The following LRP1B variants were observed in gnomAD, a reference collection of about 807,000 sequenced individuals.
LRP1B encodes the protein LDL receptor related protein 1B, also known as low-density lipoprotein receptor-related protein 1B.
In LRP1B, 217 loss-of-function variants were observed where a neutral mutation model predicts 556.6. That is an observed-to-expected ratio of 0.39 (90% CI 0.35 to 0.44). The LOEUF (loss-of-function observed/expected upper bound fraction) is 0.44, where lower values mean the gene tolerates loss of function less well. Ranked by LOEUF, LRP1B falls within the 20% of genes least tolerant of loss-of-function variation. The probability of loss-of-function intolerance (pLI) is 1.00; values close to 1 mark genes in which losing one functional copy is unlikely to be tolerated. For synonymous variants in LRP1B, 2,047 were observed against 1,865.8 expected (o/e 1.10, Z -2.50); for missense variants, 5,053 against 5,620.8 (o/e 0.90, Z 3.23).
intron 41 of LRP1B, among the ~76,000 whole-genome samples, chr2:140,617,597 A>C (rs1683303128): frequency 6.6e-6 from 1 of 151,958 alleles, no homozygotes; most frequent in Admixed American, 6.6e-5. Context: ...GGGAAAATAA[A>C]ATTTCAGATA....
intron 66 of LRP1B, among the ~76,000 whole-genome samples, chr2:140,401,075 G>T (rs1433544390): frequency 6.6e-6 from 1 of 152,174 alleles, no homozygotes; most frequent in African/African-American, 2.4e-5. Context: ...TGGGTTGAAA[G>T]AAGCTCCGAA....
intron 50 of LRP1B, among the ~76,000 whole-genome samples, chr2:140,516,418 A>T (rs1370618710): frequency 6.8e-6 from 1 of 146,398 alleles, no homozygotes; most frequent in Non-Finnish European, 1.5e-5. Context: ...GTTATATGCA[A>T]CTACTAGGCT....
At chr2:140,801,582 ATTTTTTTT>A (rs10545209) in intron 32 of LRP1B, among the ~76,000 whole-genome samples, 1 of 147,078 alleles carries the variant, frequency 6.8e-6, no homozygotes, top group Non-Finnish European at 1.5e-5. Context: ...AATCTTACTA[ATTTTTTTT>A]TTTTTTTTGT....
At chr2:141,074,623 T>A (rs1187893031) in intron 7 of LRP1B, among the ~76,000 whole-genome samples, 1 of 86,154 alleles carries the variant, frequency 1.2e-5, no homozygotes, top group African/African-American at 3.8e-5. Context: ...TATATATATA[T>A]AAAACACATA....
chr2:141,125,383 A>T (rs1021241013), intron 7 of LRP1B, among the ~76,000 whole-genome samples: 1 of 152,222 alleles, frequency 6.6e-6, no homozygotes, highest in Non-Finnish European at 1.5e-5. Context: ...TACAGCAGTG[A>T]GCCCATGCAT....
intron 11 of LRP1B, among the ~76,000 whole-genome samples, chr2:141,022,079 T>G (rs1341582278): frequency 6.6e-6 from 1 of 151,808 alleles, no homozygotes; most frequent in Admixed American, 6.6e-5. Context: ...AGTGACTAAC[T>G]TTAACTAAAA....
At chr2:141,411,042 A>T (rs1380595929) in intron 3 of LRP1B, among the ~76,000 whole-genome samples, 1 of 151,994 alleles carries the variant, frequency 6.6e-6, no homozygotes, top group Non-Finnish European at 1.5e-5. Context: ...TTTGAGTTTT[A>T]CAGGTTTATA....
At chr2:141,282,788 C>T (rs1448700284) in intron 3 of LRP1B, among the ~76,000 whole-genome samples, 1 of 151,984 alleles carries the variant, frequency 6.6e-6, no homozygotes, top group Admixed American at 6.6e-5. Context: ...CAGAAAGATT[C>T]AGAAGCATGA....
At chr2:140,738,176 A>G (rs1688012085) in intron 35 of LRP1B, among the ~76,000 whole-genome samples, 1 of 152,134 alleles carries the variant, frequency 6.6e-6, no homozygotes, top group South Asian at 2.1e-4. Context: ...AACTTCTTGT[A>G]TCTATGGATC....
chr2:141,062,227 A>G lies in LRP1B; in HGVS notation c.1060T>C (p.Cys354Arg). ...GTTCGGTTCATCCCATCCATGTCAC[A>G]TCTCTCCACTTTGGCGACATTCCCG... ...DYGNVAKVERCDMDGMNRTRI... is the reference protein window; with the variant it reads ...DYGNVAKVERRDMDGMNRTRI... The change falls in exon 8 of 91, where the codon TGT (cysteine) becomes CGT (arginine). Residue 354 changes from cysteine (C) to arginine (R), a missense_variant. Around this residue, in one of 5 missense-constraint regions of LRP1B, gnomAD observed 3,619 missense variants for 3,931.9 expected, o/e 0.92. Transcript: ENST00000389484. The G allele has an allele frequency of 6.2e-7, 1 of 1,611,446 alleles. No homozygotes were observed. The highest frequency in any genetic ancestry group is 2.2e-5 in the East Asian group (1 of 44,776).
intron 7 of LRP1B, among the ~76,000 whole-genome samples, chr2:141,101,192 T>C (rs1199155621): frequency 1.3e-5 from 2 of 152,106 alleles, no homozygotes; most frequent in Non-Finnish European, 2.9e-5. Context: ...AACTACCCAA[T>C]GTGAAACCAG....
At chr2:141,479,687 T>C (rs1281387640) in intron 3 of LRP1B, among the ~76,000 whole-genome samples, 1 of 152,166 alleles carries the variant, frequency 6.6e-6, no homozygotes, top group Non-Finnish European at 1.5e-5. Context: ...TGCTTCCAAA[T>C]CTGGGTCCTT....
At chr2:141,871,324 T>C (rs1698580524) in intron 1 of LRP1B, among the ~76,000 whole-genome samples, 1 of 151,974 alleles carries the variant, frequency 6.6e-6, no homozygotes, top group Non-Finnish European at 1.5e-5. Context: ...CTTTTTCCAG[T>C]TTGTTACACT....
At chr2:140,606,219 G>A (rs189052666) in intron 41 of LRP1B, among the ~76,000 whole-genome samples, 1 of 151,990 alleles carries the variant, frequency 6.6e-6, no homozygotes, top group East Asian at 1.9e-4. Flanking sequence ...CTATATAAGA[G>A]CAATGAACAA....
chr2:140,748,591 G>GTGTGTA (rs1361412390), intron 35 of LRP1B, among the ~76,000 whole-genome samples: 33 of 73,332 alleles, frequency 4.5e-4, no homozygotes, highest in Non-Finnish European at 7.0e-4. Context: ...TATACAGTGT[G>GTGTGTA]TATATATATA....
rs1364248949 is a variant in LRP1B, at chr2:141,822,128, C to CAGAGAGAGAGAGAG, written c.83-11728_83-11727insCTCTCTCTCTCTCT. The stretch of plus-strand genomic sequence containing the variant: ...ACACACACACACACACACACACACA[C>CAGAGAGAGAGAGAG]ACAGAGAGAGAGAGAGAGAGAGAGA... On this transcript the variant is annotated intron_variant, in intron 1 of 90. Transcript: ENST00000389484. Among the ~76,000 whole-genome samples the CAGAGAGAGAGAGAG allele has an allele frequency of 4.7e-3, 556 of 117,076 alleles. 2 individuals carry two copies. Among genetic ancestry groups the CAGAGAGAGAGAGAG allele is most frequent in the East Asian group, 0.016 (67 of 4,102 alleles). 76.8% of individuals were successfully genotyped at this position (117,076 alleles called of 152,430 possible). A position where few individuals can be genotyped will look rare whatever the true frequency, so the allele number is the denominator to read the frequency against.
chr2:141,777,339 TTAGAG>T (rs1439518237), intron 2 of LRP1B, among the ~76,000 whole-genome samples: 1 of 152,168 alleles, frequency 6.6e-6, no homozygotes, highest in Admixed American at 6.5e-5. Flanking sequence ...AAGTAGGAAA[TTAGAG>T]TAGAACAAAA....
chr2:140,526,154 G>T (rs1055360833), intron 48 of LRP1B, 83 bp downstream of exon 48: 5 of 1,432,540 alleles, frequency 3.5e-6, no homozygotes, highest in Admixed American at 3.6e-5. Context: ...TTTGGACAAA[G>T]TTCAGTAAAA....
intron 2 of LRP1B, among the ~76,000 whole-genome samples, chr2:141,578,516 G>A (rs767430486): frequency 1.2e-4 from 18 of 151,926 alleles, no homozygotes; most frequent in Admixed American, 4.6e-4. Flanking sequence ...TATTCCATTA[G>A]GCCTTATGTA....
Sources: gnomAD v4.1 joint callset for allele counts (sites outside exome capture counted in the v4.1 genomes callset) on GRCh38, gnomAD v4.1.1 for gene constraint, gnomAD v4.1.1 regional missense constraint, MANE v1.5 for transcripts, NCBI Gene and HGNC (gene_info 2026-07-23, HGNC 2026-07-21) for gene names.